The following TCF7L2 variants were observed in gnomAD, a reference collection of about 807,000 sequenced individuals.
The protein encoded by TCF7L2 is transcription factor 7-like 2.
TCF7L2 carries 23 observed loss-of-function variants against 77.9 expected under a neutral mutation model. The observed-to-expected ratio is 0.30, with a 90% CI of 0.21 to 0.42. TCF7L2 has a LOEUF of 0.42. Among genes scored for constraint, TCF7L2 ranks in the 10% least tolerant of loss-of-function variants. The probability of loss-of-function intolerance (pLI) is 1.00; values close to 1 mark genes in which losing one functional copy is unlikely to be tolerated. For missense variants in TCF7L2, 654 were observed against 793.1 expected, an observed-to-expected ratio of 0.82 and a Z score of 2.11; for synonymous variants, 413 against 340.2, an observed-to-expected ratio of 1.21 and a Z score of -2.36.
rs564947616 is a variant in TCF7L2 at position 113,008,332 on chromosome 10, C to T, written c.451-31693C>T. On this transcript the variant is annotated intron_variant, in intron 4 of 13. Transcript: ENST00000627217. ...CCTTGGACATCTTCCTGGTCAGTGT[C>T]CAGCATCGTGAAGCTGCCCTTTAGC... is the stretch of plus-strand genomic sequence containing the variant. Among the ~76,000 whole-genome samples, 13 of 152,250 alleles carry T rather than the reference C, an allele frequency of 8.5e-5. No homozygotes were observed. The South Asian group carries it at 2.7e-3, about 32-fold the overall frequency.
intron 13 of TCF7L2, chr10:113,160,741 C>A (rs919829888): frequency 6.6e-7 from 1 of 1,513,784 alleles, no homozygotes; most frequent in Non-Finnish European, 9.0e-7. Context: ...TTCTGTCCTT[C>A]CGGTACCTTA....
At chr10:113,154,773 T>C (rs764865025) in intron 11 of TCF7L2, among the ~76,000 whole-genome samples, 9 of 152,166 alleles carry the variant, frequency 5.9e-5, no homozygotes, top group Non-Finnish European at 1.2e-4. Context: ...CCTGAGACGA[T>C]TTGAGGTTTA....
At position 112,966,100 on chromosome 10, in the gene TCF7L2, G is replaced by T. The variant is rs533567644; in HGVS notation, c.450+1476G>T. On this transcript the variant is annotated intron_variant, in intron 4 of 13. Coordinates refer to ENST00000627217, the MANE Select transcript of TCF7L2 (RefSeq NM_001146274.2). ...TGAGGCAGGAGAATCACTTGAACCC[G>T]GGAGGCGGAGGTTGCGGTGAGCCGA... Among the ~76,000 whole-genome samples the T allele has an allele frequency of 2.7e-3, 409 of 150,454 alleles. 2 individuals carry two copies. Among genetic ancestry groups the T allele is most frequent in the African/African-American group, 9.6e-3 (386 of 40,384 alleles).
At chr10:113,139,885 A>G (rs113152909) in intron 5 of TCF7L2, among the ~76,000 whole-genome samples, 4 of 152,040 alleles carry the variant, frequency 2.6e-5, no homozygotes, top group Non-Finnish European at 5.9e-5. Flanking sequence ...CCTCAGCTCA[A>G]CAGGCACTAG....
intron 7 of TCF7L2, 41 bp from the exon 8 acceptor site, chr10:113,145,970 C>A (rs770625923): frequency 1.6e-6 from 2 of 1,263,388 alleles, no homozygotes; most frequent in Non-Finnish European, 2.3e-6. Context: ...CCCACCCCCA[C>A]CCTTGTTTCA....
intron 6 of TCF7L2, 55 bp downstream of exon 6, chr10:113,141,371 A>G (rs2136849859): frequency 6.2e-7 from 1 of 1,611,080 alleles, no homozygotes; most frequent in East Asian, 2.2e-5. Context: ...GTTCTGGGGG[A>G]ACCTTTGAGG....
At chr10:113,023,260 T>G (rs557715850) in intron 4 of TCF7L2, among the ~76,000 whole-genome samples, 15 of 152,298 alleles carry the variant, frequency 9.8e-5, no homozygotes, top group African/African-American at 3.1e-4. Context: ...ACCTTTTGGT[T>G]GGGATGACTG....
Position 113,036,109 on chromosome 10 carries a change from TCATCAC to T in TCF7L2, c.451-3910_451-3905del, listed in dbSNP as rs1468458183. 1.1e-3 allele frequency among the ~76,000 whole-genome samples: 120 copies of T among 111,810 alleles called. 1 individual carries two copies. The highest frequency in any genetic ancestry group is 1.8e-4 in the Non-Finnish European group (10 of 55,710). 73.4% of individuals were successfully genotyped at this position (111,810 alleles called of 152,430 possible). ...CAACTTTGTCGCCATATCATCATCA[TCATCAC>T]CATCATCATCATCATCATCATCATC... On this transcript the variant is annotated intron_variant, in intron 4 of 13. Transcript: ENST00000627217.
At chr10:113,037,699 T>C (rs752227420) in intron 4 of TCF7L2, among the ~76,000 whole-genome samples, 1 of 152,146 alleles carries the variant, frequency 6.6e-6, no homozygotes, top group Non-Finnish European at 1.5e-5. Context: ...AAAGCCCGAG[T>C]TTCCTAATTC....
chr10:113,099,358 T>C (rs571214363), intron 5 of TCF7L2, among the ~76,000 whole-genome samples: 17 of 152,264 alleles, frequency 1.1e-4, no homozygotes, highest in Non-Finnish European at 1.9e-4. Context: ...GTCTGTAGAT[T>C]TTATTGACCC....
chr10:113,127,816 T>C (rs531720595), intron 5 of TCF7L2, among the ~76,000 whole-genome samples: 15 of 152,142 alleles, frequency 9.9e-5, no homozygotes, highest in African/African-American at 3.6e-4. Context: ...CCTTTACTTT[T>C]TAAGGAAGAG....
At chr10:113,046,582 C>G (rs746599448) in intron 5 of TCF7L2, among the ~76,000 whole-genome samples, 1 of 152,138 alleles carries the variant, frequency 6.6e-6, no homozygotes, top group African/African-American at 2.4e-5. Flanking sequence ...TTGTATTCCC[C>G]GCAACCCCAA....
chr10:112,994,681 A>G (rs969688592), intron 4 of TCF7L2, among the ~76,000 whole-genome samples: 3 of 152,214 alleles, frequency 2.0e-5, no homozygotes, highest in African/African-American at 7.2e-5. Flanking sequence ...GCAAAATGTG[A>G]CTTTTGATTG....
At chr10:113,031,471 C>G (rs889961972) in intron 4 of TCF7L2, among the ~76,000 whole-genome samples, 10 of 148,576 alleles carry the variant, frequency 6.7e-5, no homozygotes, top group African/African-American at 2.5e-4. Context: ...GGTTTGGATA[C>G]TGTGCAACCT....
At chr10:113,153,252 T>G (rs1321480768) in intron 11 of TCF7L2, among the ~76,000 whole-genome samples, 3 of 152,280 alleles carry the variant, frequency 2.0e-5, no homozygotes, top group Non-Finnish European at 4.4e-5. Flanking sequence ...TCACCATTGC[T>G]GGTTATCCTC....
intron 4 of TCF7L2, among the ~76,000 whole-genome samples, chr10:113,000,789 C>T (rs2044324153): frequency 1.3e-5 from 2 of 152,178 alleles, no homozygotes; most frequent in Non-Finnish European, 2.9e-5. Context: ...CCCCTGAAGA[C>T]AGTGGCATCG....
intron 5 of TCF7L2, among the ~76,000 whole-genome samples, chr10:113,043,322 C>T (rs1307343447): frequency 6.6e-6 from 1 of 152,190 alleles, no homozygotes; most frequent in Non-Finnish European, 1.5e-5. Context: ...TGGGTTACCA[C>T]ATTAGAAACG....
intron 4 of TCF7L2, among the ~76,000 whole-genome samples, chr10:112,983,072 C>G (rs2040779965): frequency 6.6e-6 from 1 of 151,768 alleles, no homozygotes; most frequent in Non-Finnish European, 1.5e-5. Flanking sequence ...TTAGTGACAG[C>G]AAGGCAGGAA....
chr10:113,114,797 A>C (rs1336990192), intron 5 of TCF7L2, among the ~76,000 whole-genome samples: 1 of 152,226 alleles, frequency 6.6e-6, no homozygotes, highest in African/African-American at 2.4e-5. Context: ...GTTTTACTGT[A>C]GTCTCAGTTT....
Sources: allele counts gnomAD v4.1 joint callset (sites outside exome capture counted in the v4.1 genomes callset), GRCh38; gene constraint gnomAD v4.1.1; transcripts MANE v1.5; gene names NCBI Gene and HGNC (gene_info 2026-07-23, HGNC 2026-07-21).